AHCYL1: variants seen among roughly 807,000 people sequenced by gnomAD.
AHCYL1 encodes adenosylhomocysteinase like 1.
AHCYL1 carries 20 observed loss-of-function variants against 79.3 expected under a neutral mutation model. The ratio of observed to expected loss-of-function variants is 0.25; its 90% CI spans 0.18 to 0.37. The LOEUF (loss-of-function observed/expected upper bound fraction) is 0.37. Ranked by LOEUF, AHCYL1 falls within the 10% of genes least tolerant of loss-of-function variation. The pLI is 1.00. For missense variants in AHCYL1, 330 were observed against 673.6 expected, an observed-to-expected ratio of 0.49 and a Z score of 5.65; for synonymous variants, 223 against 242.2, an observed-to-expected ratio of 0.92 and a Z score of 0.74.
Position 110,009,093 on chromosome 1 carries a change from A to C in AHCYL1, c.180A>C (p.Arg60=), listed in dbSNP as rs1293004119. Residue 60 remains arginine (R), a synonymous_variant, in exon 2 of 17, where the codon CGA becomes CGC. Transcript: ENST00000369799. ...EFTKFPTKTG[R]RSLSRSISQS... is the part of the protein sequence containing the mutation. ...CCAAATTCCCCACCAAAACTGGCCG[A>C]AGATCTTTGTCTCGCTCGATCTCAC... 2.5e-6 allele frequency: 4 copies of C among 1,614,080 alleles called. No homozygotes were observed. The highest frequency in any genetic ancestry group is 1.7e-5 in the Admixed American group (1 of 60,014).
chr1:110,019,430 A>C (rs1651645958), intron 14 of AHCYL1, 118 bp from the exon 15 acceptor site: 1 of 893,424 alleles, frequency 1.1e-6, no homozygotes, highest in Non-Finnish European at 1.8e-6. Flanking sequence ...AGTCCTAGGT[A>C]CTGTGACTGT....
In AHCYL1 at chr1:110,017,586, A is replaced by G. The variant is rs756495353; in HGVS notation, c.1052+3A>G. 4.3e-6 allele frequency: 7 copies of G among 1,613,092 alleles called. No individual in the cohort carries two copies. In the East Asian group the frequency reaches 1.3e-4, roughly 31 times the overall value. ...CCCATCTGTGCTCTGCAGGCCTGGT[A>G]AGAACAGAGTGATAATACTATTAGA... On this transcript the variant is annotated splice_donor_region_variant and intron_variant, in intron 10 of 16. Transcript: ENST00000369799.
intron 1 of AHCYL1, among the ~76,000 whole-genome samples, chr1:110,003,744 A>G (rs1478453403): frequency 6.6e-6 from 1 of 152,188 alleles, no homozygotes; most frequent in Non-Finnish European, 1.5e-5. Flanking sequence ...TAGATAGCTA[A>G]ATAGGCATTG....
Position 110,017,536 on chromosome 1 carries a change from A to G in AHCYL1, c.1005A>G (p.Ala335=), listed in dbSNP as rs372518177. Reference sequence around the variant, plus strand: ...GTGCTGCTCTCAAAGCTCTTGGAGCAATTGTCTACATTACCGAAATCGACC... The same window carrying G: ...GTGCTGCTCTCAAAGCTCTTGGAGCGATTGTCTACATTACCGAAATCGACC... ...GCCAALKALG[A]IVYITEIDPI... is the part of the protein sequence containing the mutation. The change falls in exon 10 of 17, where the codon GCA becomes GCG. Residue 335 remains alanine (A), a synonymous_variant. Coordinates refer to ENST00000369799, the MANE Select transcript of AHCYL1 (RefSeq NM_006621.7). 11 of 1,614,040 alleles carry G rather than the reference A, an allele frequency of 6.8e-6. No individual in the cohort carries two copies. In the African/African-American group the frequency reaches 1.5e-4, roughly 22 times the overall value.
Position 110,011,373 on chromosome 1 carries a change from G to A in AHCYL1, c.376+16G>A. 1.2e-6 allele frequency: 2 copies of A among 1,611,974 alleles called. No individual in the cohort carries two copies. The highest frequency in any genetic ancestry group is 8.5e-7 in the Non-Finnish European group (1 of 1,179,172). ...GCAGAGCAAGGTAAAGAAAGGGAGT[G>A]GGTTAGGGGACCAGAAACAACCCTC... On this transcript the variant is annotated intron_variant, in intron 3 of 16. Transcript: ENST00000369799.
Position 110,012,478 on chromosome 1 carries a change from G to A in AHCYL1, c.477+16G>A. 6.4e-7 allele frequency: 1 copy of A among 1,558,176 alleles called. No homozygotes were observed. On this transcript the variant is annotated intron_variant, in intron 4 of 16. Transcript: ENST00000369799. Reference sequence around the variant, plus strand: ...CCAGACAGCGGTGAGTTTGTTGGAAGAAAAGAGGGACTTCTGATAAGGGGA... The same window carrying A: ...CCAGACAGCGGTGAGTTTGTTGGAAAAAAAGAGGGACTTCTGATAAGGGGA...
chr1:109,989,887 C>A (rs1012626014), intron 1 of AHCYL1, among the ~76,000 whole-genome samples: 23 of 152,176 alleles, frequency 1.5e-4, no homozygotes, highest in African/African-American at 5.5e-4. Flanking sequence ...CGTGCATAGA[C>A]CAGAATTTTT....
At chr1:110,019,199 T>C (rs1651630571) in intron 14 of AHCYL1, 80 bp downstream of exon 14, 2 of 1,328,806 alleles carry the variant, frequency 1.5e-6, no homozygotes, top group Non-Finnish European at 2.2e-6. Context: ...GGGTGTACTG[T>C]ACTATGTTCT....
intron 1 of AHCYL1, among the ~76,000 whole-genome samples, chr1:110,003,458 T>TAA (rs1038170045): frequency 6.6e-6 from 1 of 151,846 alleles, no homozygotes; most frequent in African/African-American, 2.4e-5. Context: ...AAAATGATTA[T>TAA]AATAAAGTTG....
At chr1:110,012,544 A>G in intron 4 of AHCYL1, 82 bp downstream of exon 4, 1 of 1,133,258 alleles carries the variant, frequency 8.8e-7, no homozygotes, top group Non-Finnish European at 1.2e-6. Flanking sequence ...TTCCTTTCCT[A>G]ACTCGCCAAC....
Position 110,017,999 on chromosome 1 carries a change from T to C in AHCYL1, c.1106T>C (p.Val369Ala). ...AATGAAGTCATCCGGCAAGTCGATG[T>C]CGTAATAACTTGCACAGGTAAATAA... is the stretch of plus-strand genomic sequence containing the variant. ...KLNEVIRQVDVVITCTGNKNV... is the reference protein window; with the variant it reads ...KLNEVIRQVDAVITCTGNKNV... The change falls in exon 11 of 17, where the codon GTC (valine) becomes GCC (alanine). Residue 369 changes from valine (V) to alanine (A), a missense_variant. Around this residue, in one of 6 missense-constraint regions of AHCYL1, gnomAD observed 119 missense variants for 293.3 expected, o/e 0.41. Transcript: ENST00000369799. 6.2e-7 allele frequency: 1 copy of C among 1,614,192 alleles called. No individual in the cohort carries two copies.
chr1:110,008,981 A>G, intron 1 of AHCYL1, 53 bp from the exon 2 acceptor site: 2 of 1,403,910 alleles, frequency 1.4e-6, no homozygotes, highest in Non-Finnish European at 2.0e-6. Context: ...AAAAAAAAAC[A>G]TTTCATGGAT....
rs903753840 is a variant in AHCYL1, at chr1:110,004,101, C to G, written c.121-4933C>G. ...CTCGCCGCGAGCATTGACAGAAGAT[C>G]TAGTTGAGTCCTACTTTGAAAGGAG... On this transcript the variant is annotated intron_variant, in intron 1 of 16. Coordinates refer to ENST00000369799, the MANE Select transcript of AHCYL1 (RefSeq NM_006621.7). 20 of 985,352 alleles carry G rather than the reference C, an allele frequency of 2.0e-5. No individual in the cohort carries two copies. The African/African-American group carries it at 3.3e-4, about 16-fold the overall frequency. The allele number at this position is 985,352 out of a possible 1,614,324, so 61.0% of individuals were successfully genotyped here.
intron 1 of AHCYL1, among the ~76,000 whole-genome samples, chr1:110,004,811 T>C (rs531511731): frequency 6.6e-6 from 1 of 152,334 alleles, no homozygotes; most frequent in African/African-American, 2.4e-5. Context: ...TGCCATATTC[T>C]CTTCCTTTCC....
chr1:110,004,101 C>T (rs903753840), intron 1 of AHCYL1: 1 of 985,352 alleles, frequency 1.0e-6, no homozygotes, highest in Non-Finnish European at 1.2e-6. Context: ...GACAGAAGAT[C>T]TAGTTGAGTC....
intron 2 of AHCYL1, among the ~76,000 whole-genome samples, chr1:110,010,681 T>TA (rs1650968008): frequency 6.6e-6 from 1 of 152,194 alleles, no homozygotes; most frequent in Non-Finnish European, 1.5e-5. Flanking sequence ...ACTAGCAGCA[T>TA]CAGCAACACC....
At position 110,016,398 on chromosome 1, in the gene AHCYL1, T is replaced by C; in HGVS notation, c.837T>C (p.Asn279=). 6.2e-7 allele frequency: 1 copy of C among 1,614,160 alleles called. No homozygotes were observed. Among genetic ancestry groups the C allele is most frequent in the Non-Finnish European group, 8.5e-7 (1 of 1,180,010 alleles). ...TCTGTGTTCCGGCCATGAACGTCAA[T>C]GATTCTGTTACCAAACAGAAGTTTG... is the stretch of plus-strand genomic sequence containing the variant. ...GKLCVPAMNV[N]DSVTKQKFDN... Residue 279 remains asparagine, a synonymous_variant, in exon 8 of 17, where the codon AAT becomes AAC. Coordinates refer to ENST00000369799, the MANE Select transcript of AHCYL1 (RefSeq NM_006621.7).
Position 110,015,517 on chromosome 1 carries a change from G to A in AHCYL1, c.768G>A (p.Val256=), listed in dbSNP as rs1312682923. ...KKIRGIVEES[V]TGVHRLYQLS... ...TCCGAGGCATTGTGGAAGAGAGCGTGACTGGTGTTCACAGGTAACAGATTC... is the reference window on the plus strand; with the variant it reads ...TCCGAGGCATTGTGGAAGAGAGCGTAACTGGTGTTCACAGGTAACAGATTC... Residue 256 remains valine, a synonymous_variant, in exon 7 of 17, where the codon GTG becomes GTA. Coordinates refer to ENST00000369799, the MANE Select transcript of AHCYL1 (RefSeq NM_006621.7). 6.2e-7 allele frequency: 1 copy of A among 1,614,060 alleles called. No individual in the cohort carries two copies. Among genetic ancestry groups the A allele is most frequent in the Non-Finnish European group, 8.5e-7 (1 of 1,180,010 alleles).
chr1:109,998,623 G>GC (rs1482708973), intron 1 of AHCYL1, among the ~76,000 whole-genome samples: 2 of 152,072 alleles, frequency 1.3e-5, no homozygotes, highest in African/African-American at 4.8e-5. Context: ...GATTATAGGT[G>GC]CCTACCACCA....
Sources: allele counts gnomAD v4.1 joint callset (sites outside exome capture counted in the v4.1 genomes callset), GRCh38; gene constraint gnomAD v4.1.1; regional missense constraint gnomAD v4.1.1; transcripts MANE v1.5; gene names NCBI Gene and HGNC (gene_info 2026-07-23, HGNC 2026-07-21).